The following CFAP20DC variants were observed in gnomAD, a reference collection of about 807,000 sequenced individuals.
The protein encoded by CFAP20DC is protein CFAP20DC.
In CFAP20DC, 84 loss-of-function variants were observed where a neutral mutation model predicts 101.7. The ratio of observed to expected loss-of-function variants is 0.83; its 90% CI spans 0.69 to 0.99. The LOEUF (loss-of-function observed/expected upper bound fraction) is 0.99. CFAP20DC is among the 50% of genes least tolerant of loss of function. CFAP20DC has a pLI of 0.00. For missense variants in CFAP20DC, 1,007 were observed against 970.3 expected (o/e 1.04, Z -0.50); for synonymous variants, 359 against 351.2 (o/e 1.02, Z -0.25).
At chr3:58,806,505 T>C (rs762301067) in intron 14 of CFAP20DC, 49 bp from the exon 15 acceptor site, 2 of 1,333,948 alleles carry the variant, frequency 1.5e-6, no homozygotes, top group Admixed American at 3.4e-5. Context: ...CAAAGCTGTT[T>C]ACATAGACAT....
chr3:58,748,419 T>C (rs993657940), intron 16 of CFAP20DC, among the ~76,000 whole-genome samples: 2 of 152,056 alleles, frequency 1.3e-5, no homozygotes, highest in Non-Finnish European at 2.9e-5. Flanking sequence ...ACACCTGCAA[T>C]GTGTTTCGCT....
chr3:59,042,847 T>C (rs1249098669), intron 3 of CFAP20DC, among the ~76,000 whole-genome samples: 8 of 152,140 alleles, frequency 5.3e-5, no homozygotes, highest in African/African-American at 1.7e-4. Flanking sequence ...GTGATCAGAC[T>C]CTCAACCTAT....
In CFAP20DC at chr3:58,763,751, G is replaced by C. The variant is rs190425261; in HGVS notation, c.2238-9888C>G. Among the ~76,000 whole-genome samples the C allele has an allele frequency of 8.2e-3, 1,243 of 152,234 alleles. 8 individuals are homozygous for C. The highest frequency in any genetic ancestry group is 0.012 in the Non-Finnish European group (840 of 68,010). Reference sequence around the variant, plus strand: ...TCCTTTCTGTTTGTTAGTTTTCCTTGTAACAGTCAGGACCCTCAGCTGCAG... The same window carrying C: ...TCCTTTCTGTTTGTTAGTTTTCCTTCTAACAGTCAGGACCCTCAGCTGCAG... On this transcript the variant is annotated intron_variant, in intron 15 of 16. Transcript: ENST00000482387.
rs891433112 is a variant in CFAP20DC at position 58,717,397 on chromosome 3, G to T, written c.*191C>A. 1.8e-5 allele frequency: 4 copies of T among 220,824 alleles called. No homozygotes were observed. The highest frequency in any genetic ancestry group is 5.5e-5 in the Admixed American group (1 of 18,060). The allele number at this position is 220,824 out of a possible 1,614,324, so 13.7% of individuals were successfully genotyped here. A position where few individuals can be genotyped will look rare whatever the true frequency, so the allele number is the denominator to read the frequency against. The stretch of plus-strand genomic sequence containing the variant: ...GAAAATGAAAATGTAATCTCTTTCC[G>T]CTCAAGTTCATGAAACTCTGAATTG... On this transcript the variant is annotated 3_prime_UTR_variant, in exon 4 of 4. Transcript: ENST00000486145. The surrounding 1 kb of genome is among the most constrained non-coding windows in gnomAD (Gnocchi z 4.1).
rs1313480453 is a variant in CFAP20DC, at chr3:58,768,840, C to T, written c.2238-14977G>A. ...ACTCTCTTTATCCTCAAGTCTTCAG[C>T]TTTCAGCTCAAATGTTACTTTAGAG... On this transcript the variant is annotated intron_variant, in intron 15 of 16. Coordinates refer to ENST00000482387, the MANE Select transcript of CFAP20DC (RefSeq NM_001394063.1). 3.3e-5 allele frequency among the ~76,000 whole-genome samples: 5 copies of T among 152,204 alleles called. No homozygotes were observed. In the East Asian group the frequency reaches 9.6e-4, roughly 29 times the overall value.
Position 58,757,577 on chromosome 3 carries a change from T to C in CFAP20DC, c.2238-3714A>G, listed in dbSNP as rs539787675. Among the ~76,000 whole-genome samples, 18 of 152,066 alleles carry C rather than the reference T, an allele frequency of 1.2e-4. 1 individual carries two copies. The highest frequency in any genetic ancestry group is 3.9e-4 in the African/African-American group (16 of 41,520). On this transcript the variant is annotated intron_variant, in intron 15 of 16. Transcript: ENST00000482387. ...TTTAAAAAAAATTGTCTCTGTATTT[T>C]GGGTCATTTTTATAAAGCCTTTCCC... is the stretch of plus-strand genomic sequence containing the variant.
At chr3:58,789,598 T>C (rs1412792960) in intron 15 of CFAP20DC, among the ~76,000 whole-genome samples, 1 of 152,186 alleles carries the variant, frequency 6.6e-6, no homozygotes, top group African/African-American at 2.4e-5. Context: ...CTGGAGCAAG[T>C]TGACAGGATC....
rs1305512630 is a variant in CFAP20DC at position 58,815,094 on chromosome 3, C to T, written c.2176-8638G>A. Among the ~76,000 whole-genome samples, 4 of 151,216 alleles carry T rather than the reference C, an allele frequency of 2.6e-5. No individual in the cohort carries two copies. In the East Asian group the frequency reaches 7.7e-4, roughly 29 times the overall value. On this transcript the variant is annotated intron_variant, in intron 14 of 16. Transcript: ENST00000482387. ...AACAAAGCTGGAGGCATCACACTAC[C>T]TGACTTCAAACTATACTACAAGGCT... is the stretch of plus-strand genomic sequence containing the variant.
chr3:58,906,938 CA>C (rs1392322038), intron 6 of CFAP20DC, among the ~76,000 whole-genome samples: 8 of 151,934 alleles, frequency 5.3e-5, no homozygotes, highest in Admixed American at 2.0e-4. Context: ...AAAACAAAAG[CA>C]AAAAACAAGA....
intron 15 of CFAP20DC, among the ~76,000 whole-genome samples, chr3:58,805,015 G>T (rs1208201946): frequency 6.6e-6 from 1 of 152,102 alleles, no homozygotes; most frequent in Non-Finnish European, 1.5e-5. Context: ...AATATTCTGG[G>T]TCCCAATAAA....
intron 4 of CFAP20DC, among the ~76,000 whole-genome samples, chr3:58,983,683 TAATAATTATAATAATA>T (rs1294716185): frequency 1.3e-5 from 2 of 152,302 alleles, no homozygotes; most frequent in East Asian, 3.9e-4. Flanking sequence ...ATATCAACAG[TAATAATTATAATAATA>T]AATACCTATA....
At chr3:58,906,191 CT>C (rs978567805) in intron 6 of CFAP20DC, among the ~76,000 whole-genome samples, 1 of 152,128 alleles carries the variant, frequency 6.6e-6, no homozygotes, top group Non-Finnish European at 1.5e-5. Context: ...AGAAGTAATG[CT>C]GTAATCAGCA....
chr3:58,737,244 A>G, downstream of CFAP20DC: 1 of 456,502 alleles, frequency 2.2e-6, no homozygotes, highest in Non-Finnish European at 4.4e-6. The surrounding 1 kb of genome is among the most constrained non-coding windows in gnomAD (Gnocchi z 4.1). Flanking sequence ...GCAAAAAACA[A>G]AAAGCAAAGA....
At chr3:59,046,713 T>C (rs1009937309) in intron 2 of CFAP20DC, among the ~76,000 whole-genome samples, 6 of 152,136 alleles carry the variant, frequency 3.9e-5, no homozygotes, top group Admixed American at 1.3e-4. Flanking sequence ...AGTGGAGTAA[T>C]TGAGCAAGCG....
At chr3:58,763,593 C>CCTA (rs1356729750) in intron 15 of CFAP20DC, among the ~76,000 whole-genome samples, 1 of 152,230 alleles carries the variant, frequency 6.6e-6, no homozygotes, top group African/African-American at 2.4e-5. Context: ...AGCTGCATTC[C>CCTA]TTTAGAGGAG....
intron 4 of CFAP20DC, among the ~76,000 whole-genome samples, chr3:59,032,100 G>A (rs907329566): frequency 6.6e-6 from 1 of 152,246 alleles, no homozygotes; most frequent in Admixed American, 6.5e-5. Context: ...AGGGTTCGGG[G>A]AACTCCTTCC....
chr3:58,955,405 T>C (rs9830160), intron 4 of CFAP20DC, among the ~76,000 whole-genome samples: 8,980 of 152,176 alleles, frequency 0.059, 874 homozygotes, highest in African/African-American at 0.2. Flanking sequence ...GTGTGTCAGG[T>C]AGAGGAACAG....
At chr3:58,949,125 T>A (rs1449469852) in intron 4 of CFAP20DC, among the ~76,000 whole-genome samples, 1 of 152,140 alleles carries the variant, frequency 6.6e-6, no homozygotes, top group Non-Finnish European at 1.5e-5. Flanking sequence ...TCTGTGGGAT[T>A]GGTGGTGATA....
intron 4 of CFAP20DC, among the ~76,000 whole-genome samples, chr3:58,977,673 C>T (rs982155790): frequency 3.3e-5 from 5 of 151,226 alleles, no homozygotes; most frequent in Non-Finnish European, 7.4e-5. Context: ...CTGGACATGG[C>T]CTATTCTCTG....
Sources: allele counts gnomAD v4.1 joint callset (sites outside exome capture counted in the v4.1 genomes callset), GRCh38; gene constraint gnomAD v4.1.1; non-coding constraint Gnocchi (gnomAD v3.1); transcripts MANE v1.5; gene names NCBI Gene and HGNC (gene_info 2026-07-23, HGNC 2026-07-21).